The following MTERF4 variants were observed in gnomAD, a reference collection of about 807,000 sequenced individuals.
MTERF4 encodes mitochondrial transcription termination factor 4.
A neutral mutation model predicts 22.5 loss-of-function variants in MTERF4; 17 were observed. The ratio of observed to expected loss-of-function variants is 0.75; its 90% CI spans 0.52 to 1.13. The LOEUF (loss-of-function observed/expected upper bound fraction) is 1.13, where lower values mean the gene tolerates loss of function less well. Among genes scored for constraint, MTERF4 ranks in the 50% most tolerant of loss-of-function variants. The pLI, the probability that MTERF4 is intolerant of heterozygous loss-of-function variation, is 0.00. For synonymous variants in MTERF4, 165 were observed against 175.3 expected, an observed-to-expected ratio of 0.94 and a Z score of 0.47; for missense variants, 420 against 466.8, an observed-to-expected ratio of 0.90 and a Z score of 0.92.
chr2:241,057,211 T>C, the MTERF4 span, among the ~76,000 whole-genome samples: 1 of 151,440 alleles, frequency 6.6e-6, no homozygotes. Flanking sequence ...AAACCCCATC[T>C]CTACTAAAAA....
rs1224865071 is a variant in MTERF4 at position 241,097,351 on chromosome 2, C to A, written c.597G>T (p.Arg199Ser). The change falls in exon 3 of 4, where the codon AGG becomes AGT. Residue 199 changes from arginine to serine, a missense_variant. Arg to Ser is a moderately radical substitution (Grantham distance 110, BLOSUM62 -1). Coordinates refer to ENST00000391980, the MANE Select transcript of MTERF4 (RefSeq NM_182501.4). ...MRQQDINDTV[R>S]LLKEKCLFTV... Reference sequence around the variant, plus strand: ...TGAAAAGGCACTTCTCCTTGAGAAGCCTGACAGTGTCGTTAATGTCCTGCT... The same window carrying A: ...TGAAAAGGCACTTCTCCTTGAGAAGACTGACAGTGTCGTTAATGTCCTGCT... 6.2e-7 allele frequency: 1 copy of A among 1,614,190 alleles called. No homozygotes were observed. The highest frequency in any genetic ancestry group is 8.5e-7 in the Non-Finnish European group (1 of 1,180,038).
chr2:241,050,932 C>G, the MTERF4 span, among the ~76,000 whole-genome samples: 1 of 152,234 alleles, frequency 6.6e-6, no homozygotes, highest in Non-Finnish European at 1.5e-5. Context: ...ACTGCACAGC[C>G]CTCCCCCAGC....
the MTERF4 span, chr2:241,048,863 T>C: frequency 2.4e-6 from 3 of 1,231,308 alleles, no homozygotes; most frequent in East Asian, 5.1e-5. Context: ...GTCCAGACTG[T>C]CGACCATTGG....
chr2:241,056,850 G>A, the MTERF4 span, among the ~76,000 whole-genome samples: 2 of 151,938 alleles, frequency 1.3e-5, no homozygotes, highest in African/African-American at 4.8e-5. Flanking sequence ...CACAGTGCTG[G>A]GATTACAGGC....
At position 241,102,063 on chromosome 2, in the gene MTERF4, AT is replaced by A. The variant is rs1193117962; in HGVS notation, c.21+189del. On this transcript the variant is annotated intron_variant, in intron 1 of 3. Transcript: ENST00000391980. ...CGAGACTTTGTCTCAAAAAAAAAAAATGTCAACTCTATATCCCACAATAATT... is the reference window on the plus strand; with the variant it reads ...CGAGACTTTGTCTCAAAAAAAAAAAAGTCAACTCTATATCCCACAATAATT... The A allele has an allele frequency of 2.1e-5, 15 of 727,636 alleles. No homozygotes were observed. The African/African-American group carries it at 2.8e-4, about 14-fold the overall frequency. The allele number at this position is 727,636 out of a possible 1,614,324, so 45.1% of individuals were successfully genotyped here.
Position 241,096,775 on chromosome 2 carries a change from C to T in MTERF4, c.706-337G>A. 5.7e-6 allele frequency: 3 copies of T among 526,906 alleles called. No individual in the cohort carries two copies. Among genetic ancestry groups the T allele is most frequent in the Non-Finnish European group, 1.1e-5 (3 of 283,504 alleles). The allele number at this position is 526,906 out of a possible 1,614,324, so 32.6% of individuals were successfully genotyped here. A position where few individuals can be genotyped will look rare whatever the true frequency, so the allele number is the denominator to read the frequency against. ...AATAGGCAAAACATTCAGAAAACAT[C>T]TAGAAATTCGACCTAAGTTGTCATA... On this transcript the variant is annotated intron_variant, in intron 3 of 3. Coordinates refer to ENST00000391980, the MANE Select transcript of MTERF4 (RefSeq NM_182501.4). This position sits in a 1 kb window ranked among gnomAD's most constrained non-coding sequence, Gnocchi z 5.1.
At chr2:241,050,102 C>T in the MTERF4 span, 1 of 683,656 alleles carries the variant, frequency 1.5e-6, no homozygotes, top group Non-Finnish European at 2.7e-6. Flanking sequence ...GAGCACCTCA[C>T]TGTTTGGATG....
the MTERF4 span, among the ~76,000 whole-genome samples, chr2:241,045,889 C>T: frequency 4.6e-5 from 7 of 152,196 alleles, no homozygotes; most frequent in Non-Finnish European, 1.0e-4. Context: ...CAGGAGAAAA[C>T]GTTTGCAAAA....
At position 241,099,766 on chromosome 2, in the gene MTERF4, C is replaced by T; in HGVS notation, c.150G>A (p.Gly50=). 1 of 1,614,116 alleles carries T rather than the reference C, an allele frequency of 6.2e-7. No homozygotes were observed. Among genetic ancestry groups the T allele is most frequent in the Non-Finnish European group, 8.5e-7 (1 of 1,180,026 alleles). The change falls in exon 2 of 4, where the codon GGG becomes GGA. Residue 50 remains glycine (G), a synonymous_variant. Transcript: ENST00000391980. ...TAACACAAGATAACTCCTCAATGAC[C>T]CCTCCATTGGAGGCTGTAGTCAGTT... ...LRKLTTASNG[G]VIEELSCVRS... is the part of the protein sequence containing the mutation.
downstream of MTERF4, chr2:241,068,813 C>G: frequency 1.2e-6 from 1 of 807,834 alleles, no homozygotes; most frequent in Non-Finnish European, 2.0e-6. This position sits in a 1 kb window ranked among gnomAD's most constrained non-coding sequence, Gnocchi z 5.3. Context: ...ATGACCTCCC[C>G]GCAGTCACCT....
intron 4 of MTERF4, among the ~76,000 whole-genome samples, chr2:241,079,616 C>T (rs1221745740): frequency 6.6e-6 from 1 of 151,992 alleles, no homozygotes; most frequent in Non-Finnish European, 1.5e-5. Context: ...CCTTGTTTTA[C>T]AGTTTTGACT....
At chr2:241,067,815 T>C, downstream of MTERF4, 3 of 1,613,410 alleles carry the variant, frequency 1.9e-6, no homozygotes, top group Non-Finnish European at 2.5e-6. Flanking sequence ...GCTAGCACCA[T>C]CTCAGTGCAG....
chr2:241,070,658 C>T (rs372493758), downstream of MTERF4, among the ~76,000 whole-genome samples: 8 of 152,226 alleles, frequency 5.3e-5, no homozygotes, highest in East Asian at 5.8e-4. Context: ...AGGCACAGGG[C>T]AGAAGCCGCT....
chr2:241,065,336 G>A, the MTERF4 span: 1 of 1,612,982 alleles, frequency 6.2e-7, no homozygotes, highest in Non-Finnish European at 8.5e-7. Flanking sequence ...TGGAGAGAGT[G>A]GAGGAGAGTG....
At chr2:241,048,717 C>G in the MTERF4 span, 1 of 1,612,982 alleles carries the variant, frequency 6.2e-7, no homozygotes, top group South Asian at 1.1e-5. Flanking sequence ...GCGCCAACAC[C>G]ACCCTCTGCC....
At chr2:241,064,911 C>T in the MTERF4 span, 119 of 1,586,906 alleles carry the variant, frequency 7.5e-5, no homozygotes, top group Middle Eastern at 1.0e-3. This position sits in a 1 kb window ranked among gnomAD's most constrained non-coding sequence, Gnocchi z 7.0. Flanking sequence ...ACGGCTCCCA[C>T]AGCTGCACCT....
chr2:241,099,891 G>C lies in MTERF4; in HGVS notation c.25C>G (p.Leu9Val). The C allele has an allele frequency of 6.2e-7, 1 of 1,611,168 alleles. No homozygotes were observed. The highest frequency in any genetic ancestry group is 8.5e-7 in the Non-Finnish European group (1 of 1,179,958). Residue 9 changes from leucine (L) to valine (V), a missense_variant, in exon 2 of 4, where the codon CTT (leucine) becomes GTT (valine). Physicochemically the swap from Leu to Val is conservative, Grantham distance 32. Coordinates refer to ENST00000391980, the MANE Select transcript of MTERF4 (RefSeq NM_182501.4). The part of the protein sequence containing the change: MAAFGRQV[L>V]DWHRLIPLTW... The stretch of plus-strand genomic sequence containing the variant: ...AGGGGGATCAGGCGGTGCCAATCAA[G>C]GACCTGTAAGACACAGGACCAAAAG...
At chr2:241,100,784 G>A (rs1575199986) in intron 1 of MTERF4, among the ~76,000 whole-genome samples, 1 of 152,316 alleles carries the variant, frequency 6.6e-6, no homozygotes, top group East Asian at 1.9e-4. Flanking sequence ...CCAGTCATGA[G>A]TAGGCTATTA....
rs1012465811 is a variant in MTERF4, at chr2:241,096,818, G to A, written c.706-380C>T. On this transcript the variant is annotated intron_variant, in intron 3 of 3. Coordinates refer to ENST00000391980, the MANE Select transcript of MTERF4 (RefSeq NM_182501.4). The surrounding 1 kb of genome is among the most constrained non-coding windows in gnomAD (Gnocchi z 5.1). Reference sequence around the variant, plus strand: ...TTGTCATAATTATTACCAAAAAATCGGACAACTGTTAAAATTACATTTTCA... The same window carrying A: ...TTGTCATAATTATTACCAAAAAATCAGACAACTGTTAAAATTACATTTTCA... The A allele has an allele frequency of 1.5e-5, 8 of 522,496 alleles. No individual in the cohort carries two copies. Among genetic ancestry groups the A allele is most frequent in the South Asian group, 4.2e-5 (2 of 47,200 alleles). 32.4% of individuals were successfully genotyped at this position (522,496 alleles called of 1,614,324 possible).
Sources: gnomAD v4.1 joint callset for allele counts (sites outside exome capture counted in the v4.1 genomes callset) on GRCh38, gnomAD v4.1.1 for gene constraint, Gnocchi (gnomAD v3.1) non-coding constraint, MANE v1.5 for transcripts, NCBI Gene and HGNC (gene_info 2026-07-23, HGNC 2026-07-21) for gene names.